The following CCDC192 variants were observed in gnomAD, a reference collection of about 807,000 sequenced individuals.
CCDC192 encodes the protein coiled-coil domain containing 192.
At chr5:127,747,283 A>T (rs1353674442) in intron 2 of CCDC192, among the ~76,000 whole-genome samples, 1 of 150,790 alleles carries the variant, frequency 6.6e-6, no homozygotes, top group East Asian at 2.0e-4. Context: ...CAGTCCCCAG[A>T]GTGTGATGTT....
intron 2 of CCDC192, among the ~76,000 whole-genome samples, chr5:127,709,190 G>C (rs1339720136): frequency 2.5e-4 from 21 of 84,704 alleles, no homozygotes; most frequent in Non-Finnish European, 4.5e-4. Context: ...GGGGAGAGAG[G>C]TGGAGAGAGG....
At chr5:127,886,219 G>A (rs1213368063) in intron 6 of CCDC192, among the ~76,000 whole-genome samples, 1 of 152,152 alleles carries the variant, frequency 6.6e-6, no homozygotes, top group Non-Finnish European at 1.5e-5. Flanking sequence ...CACCAATAGA[G>A]CATCTGCTCC....
intron 2 of CCDC192, among the ~76,000 whole-genome samples, chr5:127,742,234 A>AT (rs1374382333): frequency 6.6e-5 from 10 of 152,320 alleles, no homozygotes; most frequent in Admixed American, 1.3e-4. Flanking sequence ...AAAGTTATTT[A>AT]TGAAGCTATC....
At chr5:127,881,807 C>T (rs1244963070) in intron 6 of CCDC192, among the ~76,000 whole-genome samples, 1 of 152,216 alleles carries the variant, frequency 6.6e-6, no homozygotes, top group Non-Finnish European at 1.5e-5. Flanking sequence ...TTCCTTCCAT[C>T]ATTTCCACAC....
intron 2 of CCDC192, among the ~76,000 whole-genome samples, chr5:127,735,417 T>C (rs958881232): frequency 9.4e-5 from 14 of 148,822 alleles, no homozygotes; most frequent in African/African-American, 3.3e-4. Flanking sequence ...GTGGGCTCTT[T>C]TTTGGTTCCA....
At chr5:127,908,837 A>G (rs904540368) in intron 6 of CCDC192, among the ~76,000 whole-genome samples, 2 of 152,196 alleles carry the variant, frequency 1.3e-5, no homozygotes, top group Admixed American at 1.3e-4. Flanking sequence ...TTTAAGCTCT[A>G]TAGGGAAATA....
chr5:127,800,388 AAAAAAAAAAAAAACAAC>A (rs1757426920), intron 5 of CCDC192, among the ~76,000 whole-genome samples: 1 of 137,954 alleles, frequency 7.2e-6, no homozygotes, highest in South Asian at 2.6e-4. Context: ...AAAAAAAAAA[AAAAAAAAAAAAAACAAC>A]AACAACAAAA....
At chr5:127,911,255 C>T (rs1438017062) in intron 6 of CCDC192, among the ~76,000 whole-genome samples, 1 of 152,168 alleles carries the variant, frequency 6.6e-6, no homozygotes, top group Non-Finnish European at 1.5e-5. Flanking sequence ...AGACAGGTAA[C>T]ACAGTGTCTC....
At chr5:127,838,931 C>G (rs964324550) in intron 5 of CCDC192, among the ~76,000 whole-genome samples, 2 of 152,146 alleles carry the variant, frequency 1.3e-5, no homozygotes, top group African/African-American at 2.4e-5. Flanking sequence ...GGCCTCTTCC[C>G]GTGAGATTAC....
intron 6 of CCDC192, among the ~76,000 whole-genome samples, chr5:127,903,506 G>C (rs1443977425): frequency 2.6e-5 from 4 of 152,202 alleles, no homozygotes; most frequent in Admixed American, 1.3e-4. Flanking sequence ...GCCTCCCAAA[G>C]TGCTGGGATT....
intron 1 of CCDC192, among the ~76,000 whole-genome samples, chr5:127,706,988 A>C (rs955674037): frequency 4.6e-5 from 7 of 152,168 alleles, no homozygotes; most frequent in African/African-American, 1.7e-4. Flanking sequence ...TTTCAGAGAG[A>C]GAGTGATAAG....
At chr5:127,919,005 A>ATG (rs1753617139) in intron 6 of CCDC192, among the ~76,000 whole-genome samples, 8 of 143,322 alleles carry the variant, frequency 5.6e-5, no homozygotes, top group Non-Finnish European at 1.3e-4. Flanking sequence ...ATATGTGTGT[A>ATG]TGTATATATG....
chr5:127,731,843 T>C (rs1752657536), intron 2 of CCDC192, among the ~76,000 whole-genome samples: 1 of 152,144 alleles, frequency 6.6e-6, no homozygotes, highest in Admixed American at 6.5e-5. Flanking sequence ...TTATACCATA[T>C]ACAAAAATTA....
Position 127,875,572 on chromosome 5 carries a change from A to C in CCDC192, c.446A>C (p.Gln149Pro), listed in dbSNP as rs747288726. ...LKHEKKVKKLQTDLATANAIT... is the reference protein window; with the variant it reads ...LKHEKKVKKLPTDLATANAIT... Reference sequence around the variant, plus strand: ...CATGAAAAGAAAGTGAAAAAACTACAGACTGATTTGGCAACAGCTAATGCC... The same window carrying C: ...CATGAAAAGAAAGTGAAAAAACTACCGACTGATTTGGCAACAGCTAATGCC... The change falls in exon 6 of 7, where the codon CAG becomes CCG. Residue 149 changes from glutamine to proline, a missense_variant. Physicochemically the swap from Gln to Pro is moderately conservative, Grantham distance 76. Transcript: ENST00000514853. The C allele has an allele frequency of 5.0e-6, 2 of 398,702 alleles. No homozygotes were observed. Among genetic ancestry groups the C allele is most frequent in the Non-Finnish European group, 8.8e-6 (2 of 226,012 alleles). 24.7% of individuals were successfully genotyped at this position (398,702 alleles called of 1,614,324 possible). A position where few individuals can be genotyped will look rare whatever the true frequency, so the allele number is the denominator to read the frequency against.
At chr5:127,828,942 G>A (rs111914606) in intron 5 of CCDC192, among the ~76,000 whole-genome samples, 3 of 152,226 alleles carry the variant, frequency 2.0e-5, no homozygotes, top group African/African-American at 7.2e-5. Context: ...GAGCAATGTG[G>A]AGAGAGGATT....
chr5:127,850,632 C>T (rs1333589816), intron 5 of CCDC192, among the ~76,000 whole-genome samples: 1 of 152,152 alleles, frequency 6.6e-6, no homozygotes, highest in Non-Finnish European at 1.5e-5. Context: ...CAGGAAAGGG[C>T]AGGGAGAATT....
At chr5:127,740,094 T>G (rs1235448163) in intron 2 of CCDC192, 1 of 152,256 alleles carries the variant, frequency 6.6e-6, no homozygotes, top group Non-Finnish European at 1.5e-5. Context: ...AGATGGGAAA[T>G]TATCCAAACA....
chr5:127,710,260 A>G (rs1284702780), intron 2 of CCDC192, among the ~76,000 whole-genome samples: 1 of 152,164 alleles, frequency 6.6e-6, no homozygotes, highest in Non-Finnish European at 1.5e-5. Flanking sequence ...AAGTCATGGA[A>G]CTCACAGAGC....
intron 6 of CCDC192, among the ~76,000 whole-genome samples, chr5:127,910,477 A>G (rs1311477432): frequency 1.3e-5 from 2 of 152,256 alleles, no homozygotes; most frequent in Non-Finnish European, 2.9e-5. Context: ...TTGGTGCAAT[A>G]TAAAAGGAAA....
Sources: gnomAD v4.1 joint callset for allele counts (sites outside exome capture counted in the v4.1 genomes callset) on GRCh38, gnomAD v4.1.1 for gene constraint, MANE v1.5 for transcripts, NCBI Gene and HGNC (gene_info 2026-07-23, HGNC 2026-07-21) for gene names.